The following ATE1 variants were observed in gnomAD, a reference collection of about 807,000 sequenced individuals.
The protein encoded by ATE1 is arginyltransferase 1, also known as arginyl-tRNA--protein transferase 1.
In ATE1, 36 loss-of-function variants were observed where a neutral mutation model predicts 70.5. That is an observed-to-expected ratio of 0.51 (90% CI 0.39 to 0.67). ATE1 has a LOEUF of 0.67. ATE1 is among the 30% of genes least tolerant of loss of function. The pLI, the probability that ATE1 is intolerant of heterozygous loss-of-function variation, is 0.00. For missense variants in ATE1, 593 were observed against 629.5 expected (o/e 0.94, Z 0.62); for synonymous variants, 232 against 219.3 (o/e 1.06, Z -0.51).
chr10:121,924,312 T>C lies in ATE1; in HGVS notation c.124A>G (p.Met42Val), dbSNP rs775034607. 1.4e-5 allele frequency: 22 copies of C among 1,614,144 alleles called. No homozygotes were observed. Among genetic ancestry groups the C allele is most frequent in the Non-Finnish European group, 1.9e-5 (22 of 1,179,974 alleles). Residue 42 changes from methionine to valine, a missense_variant, in exon 2 of 12, where the codon ATG (methionine) becomes GTG (valine). By Grantham distance (21) the Met-to-Val change is conservative. This residue lies in a region of ATE1 where 467 missense variants were observed against 469.6 expected (regional missense o/e 0.99). Transcript: ENST00000224652. The part of the protein sequence containing the change: ...SRSNGMWAHS[M>V]TVQDYQDLID... Reference sequence around the variant, plus strand: ...AGATCCTGATAATCCTGTACTGTCATGGAATGTGCCCACATGCCTGAAAAA... The same window carrying C: ...AGATCCTGATAATCCTGTACTGTCACGGAATGTGCCCACATGCCTGAAAAA...
intron 11 of ATE1, among the ~76,000 whole-genome samples, chr10:121,747,047 A>G (rs559185237): frequency 1.7e-3 from 258 of 152,308 alleles, no homozygotes; most frequent in Admixed American, 3.5e-3. Context: ...GTTAGCCAAA[A>G]AGAAGTTCTA....
At chr10:121,878,803 C>A (rs1950140619) in intron 7 of ATE1, among the ~76,000 whole-genome samples, 1 of 152,092 alleles carries the variant, frequency 6.6e-6, no homozygotes, top group Non-Finnish European at 1.5e-5. Flanking sequence ...TAGTTCACCT[C>A]TTTTACATAC....
At chr10:121,744,347 A>G (rs1944261173) in intron 11 of ATE1, among the ~76,000 whole-genome samples, 1 of 152,092 alleles carries the variant, frequency 6.6e-6, no homozygotes, top group Non-Finnish European at 1.5e-5. Context: ...GTATGTTAGC[A>G]ATTAAGTAAC....
chr10:121,861,916 C>T (rs1309106008), intron 8 of ATE1, among the ~76,000 whole-genome samples: 1 of 152,190 alleles, frequency 6.6e-6, no homozygotes, highest in Non-Finnish European at 1.5e-5. Context: ...GCCTAGCTTT[C>T]TGCTTCTGAT....
chr10:121,740,549 C>G lies in ATE1; in HGVS notation c.*3131G>C, dbSNP rs1173803375. 1 of 152,186 alleles carries G rather than the reference C, an allele frequency of 6.6e-6. No homozygotes were observed. The highest frequency in any genetic ancestry group is 1.5e-5 in the Non-Finnish European group (1 of 68,026). 9.4% of individuals were successfully genotyped at this position (152,186 alleles called of 1,614,324 possible). A position where few individuals can be genotyped will look rare whatever the true frequency, so the allele number is the denominator to read the frequency against. ...CTTTTGCCTTATAGTCATTGGCTTT[C>G]TTTTAGAAAAGAGTGTGCACTTGAA... is the stretch of plus-strand genomic sequence containing the variant. On this transcript the variant is annotated 3_prime_UTR_variant, in exon 12 of 12. Coordinates refer to ENST00000224652, the MANE Select transcript of ATE1 (RefSeq NM_001001976.3).
chr10:121,756,864 A>G (rs1329491888), intron 11 of ATE1, among the ~76,000 whole-genome samples: 1 of 152,160 alleles, frequency 6.6e-6, no homozygotes, highest in African/African-American at 2.4e-5. Context: ...CCTCTGGCAT[A>G]ACCTGGAGAT....
rs1380059486 is a variant in ATE1 at position 121,913,827 on chromosome 10, A to G, written c.300T>C (p.Phe100=). The G allele has an allele frequency of 4.3e-6, 7 of 1,613,588 alleles. No individual in the cohort carries two copies. Among genetic ancestry groups the G allele is most frequent in the Non-Finnish European group, 5.9e-6 (7 of 1,179,558 alleles). The change falls in exon 4 of 12, where the codon TTT becomes TTC. Residue 100 remains phenylalanine, a synonymous_variant. Coordinates refer to ENST00000224652, the MANE Select transcript of ATE1 (RefSeq NM_001001976.3). The part of the protein sequence containing the change: ...HKKVLKKMLK[F]LAKGEVPKGS... ...CTTTGGGAACCTCCCCTTTAGCTAG[A>G]AATTTCAACATTTTTTTCAAAACCT...
intron 8 of ATE1, 63 bp downstream of exon 8, chr10:121,869,943 A>G: frequency 7.0e-7 from 1 of 1,437,888 alleles, no homozygotes; most frequent in Non-Finnish European, 9.7e-7. Flanking sequence ...ATGCCTAATG[A>G]AAGATATCAA....
intron 11 of ATE1, among the ~76,000 whole-genome samples, chr10:121,752,059 C>T (rs759766742): frequency 5.8e-4 from 87 of 150,872 alleles, no homozygotes; most frequent in Non-Finnish European, 9.5e-4. Context: ...TAGCCAGGCA[C>T]GGTGGCGGCC....
rs535722398 is a variant in ATE1, at chr10:121,810,076, A to T, written c.1258-19787T>A. 1.3e-3 allele frequency among the ~76,000 whole-genome samples: 196 copies of T among 152,288 alleles called. 1 individual carries two copies. Among genetic ancestry groups the T allele is most frequent in the African/African-American group, 4.4e-3 (182 of 41,576 alleles). ...GAGCTCTGGACATTCTGAAAAGAAC[A>T]ACTCTGCTACGAATGTATGGCCCGT... On this transcript the variant is annotated intron_variant, in intron 10 of 11. Coordinates refer to ENST00000224652, the MANE Select transcript of ATE1 (RefSeq NM_001001976.3).
At chr10:121,804,446 A>G (rs1237779793) in intron 10 of ATE1, among the ~76,000 whole-genome samples, 1 of 152,250 alleles carries the variant, frequency 6.6e-6, no homozygotes, top group Non-Finnish European at 1.5e-5. Context: ...TTACCACATC[A>G]GAACTCTCTG....
At chr10:121,811,354 A>C (rs1947312158) in intron 10 of ATE1, among the ~76,000 whole-genome samples, 1 of 152,228 alleles carries the variant, frequency 6.6e-6, no homozygotes, top group African/African-American at 2.4e-5. Context: ...CCAATAGGTA[A>C]ATCTGACAAA....
At chr10:121,853,215 T>A (rs372703160) in intron 8 of ATE1, among the ~76,000 whole-genome samples, 14 of 152,008 alleles carry the variant, frequency 9.2e-5, no homozygotes, top group African/African-American at 3.4e-4. Context: ...ATACAAAAAA[T>A]TAGCCGGGCA....
chr10:121,869,467 T>C (rs920388122), intron 8 of ATE1, among the ~76,000 whole-genome samples: 1 of 152,236 alleles, frequency 6.6e-6, no homozygotes, highest in African/African-American at 2.4e-5. Flanking sequence ...CAGTTCTACA[T>C]TGAAAACCAT....
chr10:121,805,295 C>T (rs1019907937), intron 10 of ATE1, among the ~76,000 whole-genome samples: 1 of 152,132 alleles, frequency 6.6e-6, no homozygotes. Context: ...CTTGAAGTTA[C>T]TAACTTTTAG....
chr10:121,745,464 C>A (rs1328347062), intron 11 of ATE1, among the ~76,000 whole-genome samples: 1 of 152,158 alleles, frequency 6.6e-6, no homozygotes, highest in African/African-American at 2.4e-5. Context: ...CGCCTGTAAT[C>A]CCAGCACTTT....
chr10:121,849,509 C>T (rs566392456), intron 8 of ATE1, among the ~76,000 whole-genome samples: 1 of 152,310 alleles, frequency 6.6e-6, no homozygotes, highest in Non-Finnish European at 1.5e-5. Context: ...AAGCTGGGGT[C>T]TTCCCCAAAT....
chr10:121,791,096 A>ATT (rs10584053), intron 10 of ATE1, among the ~76,000 whole-genome samples: 3,689 of 94,350 alleles, frequency 0.039, 101 homozygotes, highest in Middle Eastern at 0.069. Context: ...GTGTATATAT[A>ATT]TTTTTTTTTT....
chr10:121,877,216 A>C (rs1950083273), intron 7 of ATE1, among the ~76,000 whole-genome samples: 1 of 152,192 alleles, frequency 6.6e-6, no homozygotes, highest in Non-Finnish European at 1.5e-5. Flanking sequence ...TAATTGCATT[A>C]AATAAATACC....
Sources: gnomAD v4.1 joint callset for allele counts (sites outside exome capture counted in the v4.1 genomes callset) on GRCh38, gnomAD v4.1.1 for gene constraint, gnomAD v4.1.1 regional missense constraint, MANE v1.5 for transcripts, NCBI Gene and HGNC (gene_info 2026-07-23, HGNC 2026-07-21) for gene names.